Variants in SYNPR observed in about 807,000 individuals in gnomAD.
SYNPR encodes the protein synaptoporin.
In SYNPR, 23 loss-of-function variants were observed where a neutral mutation model predicts 32.9. The observed-to-expected ratio is 0.70, with a 90% CI of 0.50 to 0.99. The LOEUF is 0.99. Ranked by LOEUF, SYNPR falls within the 50% of genes least tolerant of loss-of-function variation. The probability of loss-of-function intolerance (pLI) is 0.00; values close to 1 mark genes in which losing one functional copy is unlikely to be tolerated. For synonymous variants in SYNPR, 146 were observed against 135.9 expected (o/e 1.07, Z -0.52); for missense variants, 318 against 349.3 (o/e 0.91, Z 0.71).
At chr3:63,266,685 C>T (rs1455988947) in intron 2 of SYNPR, among the ~76,000 whole-genome samples, 3 of 124,122 alleles carry the variant, frequency 2.4e-5, no homozygotes, top group African/African-American at 6.4e-5. Flanking sequence ...CCAGCCTGGG[C>T]GACAAGAGCA....
chr3:63,278,734 C>T lies in SYNPR; in HGVS notation c.76C>T (p.Leu26=), dbSNP rs2086600572. The T allele has an allele frequency of 3.9e-6, 6 of 1,551,640 alleles. No individual in the cohort carries two copies. The highest frequency in any genetic ancestry group is 5.2e-6 in the Non-Finnish European group (6 of 1,146,988). ...LKEPLAFLRA[L]ELLFAIFAFA... ...GGAGCCCCTTGCCTTCCTGCGAGCC[C>T]TGGAATTGGTGAGTAGCAGTGTGTG... Residue 26 remains leucine, a synonymous_variant, in exon 2 of 6, where the codon CTG becomes TTG. Coordinates refer to ENST00000478300, the MANE Select transcript of SYNPR (RefSeq NM_001130003.2).
At chr3:63,227,944 C>T (rs2367762), upstream of SYNPR, among the ~76,000 whole-genome samples, 119,205 of 152,092 alleles carry the variant, frequency 0.78, 47,263 homozygotes, top group Middle Eastern at 0.88. Context: ...TGATATTGGA[C>T]AGTCAACCAG....
At chr3:63,286,853 A>G (rs1380457819) in intron 2 of SYNPR, among the ~76,000 whole-genome samples, 1 of 152,202 alleles carries the variant, frequency 6.6e-6, no homozygotes, top group Non-Finnish European at 1.5e-5. Context: ...AGTGTTTAGC[A>G]AACTGTTAAC....
intron 3 of SYNPR, among the ~76,000 whole-genome samples, chr3:63,528,146 A>T (rs868005685): frequency 6.6e-6 from 1 of 152,198 alleles, no homozygotes; most frequent in Non-Finnish European, 1.5e-5. Context: ...TCAAAAAGCA[A>T]TCCATGAAGT....
chr3:63,402,266 T>C (rs988383909), intron 2 of SYNPR, among the ~76,000 whole-genome samples: 6 of 152,126 alleles, frequency 3.9e-5, no homozygotes, highest in African/African-American at 1.4e-4. Context: ...GAGCGCTCCC[T>C]GCAAAGTGGT....
At chr3:63,381,554 T>C (rs2087971081) in intron 2 of SYNPR, among the ~76,000 whole-genome samples, 1 of 152,254 alleles carries the variant, frequency 6.6e-6, no homozygotes, top group Non-Finnish European at 1.5e-5. Flanking sequence ...AAAAAACTGC[T>C]TTAAAGATTC....
intron 2 of SYNPR, among the ~76,000 whole-genome samples, chr3:63,383,928 A>T (rs1209798231): frequency 6.6e-6 from 1 of 152,250 alleles, no homozygotes; most frequent in Non-Finnish European, 1.5e-5. Context: ...ATGTGTGGTG[A>T]TGAATGTGTT....
chr3:63,425,463 A>G (rs549220544), intron 2 of SYNPR, among the ~76,000 whole-genome samples: 1 of 152,222 alleles, frequency 6.6e-6, no homozygotes, highest in East Asian at 1.9e-4. Context: ...GGTGGTTTAC[A>G]GTCCCAGGAG....
intron 2 of SYNPR, among the ~76,000 whole-genome samples, chr3:63,400,510 G>T (rs1018554485): frequency 6.6e-6 from 1 of 152,224 alleles, no homozygotes; most frequent in Non-Finnish European, 1.5e-5. Flanking sequence ...TCTCCACAAG[G>T]CTGCTTGTAT....
chr3:63,236,587 TAC>T (rs1436069186), intron 1 of SYNPR, among the ~76,000 whole-genome samples: 4 of 152,270 alleles, frequency 2.6e-5, no homozygotes, highest in African/African-American at 9.6e-5. Flanking sequence ...ACACATCCTG[TAC>T]ATATTAAGTA....
At chr3:63,240,163 A>T (rs1018163582) in intron 1 of SYNPR, among the ~76,000 whole-genome samples, 3 of 152,140 alleles carry the variant, frequency 2.0e-5, no homozygotes, top group African/African-American at 7.2e-5. Context: ...GAGACTTAAC[A>T]TGCAAAGCAG....
chr3:63,234,125 G>A (rs1370803434), intron 1 of SYNPR, among the ~76,000 whole-genome samples: 2 of 152,126 alleles, frequency 1.3e-5, no homozygotes, highest in African/African-American at 4.8e-5. Flanking sequence ...CACATGGCTG[G>A]GGAGGCCTCA....
chr3:63,538,397 A>T (rs1442452088), intron 3 of SYNPR, among the ~76,000 whole-genome samples: 1 of 152,082 alleles, frequency 6.6e-6, no homozygotes, highest in Non-Finnish European at 1.5e-5. Flanking sequence ...ATTACACAGC[A>T]GTTGATGATA....
At chr3:63,339,425 C>T (rs2087335546) in intron 2 of SYNPR, among the ~76,000 whole-genome samples, 2 of 152,122 alleles carry the variant, frequency 1.3e-5, no homozygotes, top group African/African-American at 4.8e-5. Flanking sequence ...ATCCCATGTG[C>T]CTTTTAACTC....
At chr3:63,468,123 G>A (rs778618605) in intron 2 of SYNPR, among the ~76,000 whole-genome samples, 1 of 150,542 alleles carries the variant, frequency 6.6e-6, no homozygotes, top group Non-Finnish European at 1.5e-5. Context: ...GAACCCAGGA[G>A]GTGGAGGTTG....
At chr3:63,346,575 G>A (rs946154808) in intron 2 of SYNPR, among the ~76,000 whole-genome samples, 2 of 152,036 alleles carry the variant, frequency 1.3e-5, no homozygotes, top group Non-Finnish European at 1.5e-5. Flanking sequence ...GGGTTCAAGC[G>A]ATTCTTCTGC....
chr3:63,595,755 A>AAT (rs1242744739), intron 4 of SYNPR, among the ~76,000 whole-genome samples: 16 of 32,294 alleles, frequency 5.0e-4, no homozygotes, highest in African/African-American at 2.3e-3. Flanking sequence ...ATATATATAT[A>AAT]TATATATATA....
chr3:63,613,961 A>G (rs939404476), intron 5 of SYNPR, among the ~76,000 whole-genome samples: 3 of 152,148 alleles, frequency 2.0e-5, no homozygotes, highest in Admixed American at 6.5e-5. Flanking sequence ...CTGCTAAAAT[A>G]TTGAAATATT....
At chr3:63,392,546 T>C (rs534588342) in intron 2 of SYNPR, among the ~76,000 whole-genome samples, 21 of 152,202 alleles carry the variant, frequency 1.4e-4, no homozygotes, top group African/African-American at 5.1e-4. Context: ...TCCAGGGAGA[T>C]AATGTATGGG....
Sources: allele counts gnomAD v4.1 joint callset (sites outside exome capture counted in the v4.1 genomes callset), GRCh38; gene constraint gnomAD v4.1.1; transcripts MANE v1.5; gene names NCBI Gene and HGNC (gene_info 2026-07-23, HGNC 2026-07-21).